LDB2: variants seen among roughly 807,000 people sequenced by gnomAD.
LDB2 encodes LIM domain-binding protein 2.
LDB2 carries 12 observed loss-of-function variants against 44.3 expected under a neutral mutation model. That is an observed-to-expected ratio of 0.27 (90% CI 0.17 to 0.44). The LOEUF (loss-of-function observed/expected upper bound fraction) is 0.44, where lower values mean the gene tolerates loss of function less well. LDB2 is among the 20% of genes least tolerant of loss of function. The probability of loss-of-function intolerance (pLI) is 1.00; values close to 1 mark genes in which losing one functional copy is unlikely to be tolerated. For synonymous variants in LDB2, 164 were observed against 174.8 expected (o/e 0.94, Z 0.49); for missense variants, 344 against 473.5 (o/e 0.73, Z 2.54).
At chr4:16,898,213 AT>A in intron 1 of LDB2, 140 bp downstream of exon 1, 1 of 763,914 alleles carries the variant, frequency 1.3e-6, no homozygotes, top group Non-Finnish European at 2.1e-6. Flanking sequence ...AAACTCGTGG[AT>A]TCATCCTGGC....
intron 1 of LDB2, among the ~76,000 whole-genome samples, chr4:16,795,223 A>G (rs112266772): frequency 0.013 from 2,025 of 152,294 alleles, 60 homozygotes; most frequent in African/African-American, 0.046. Flanking sequence ...GTGAAGAGAG[A>G]GCCTGGGGAA....
chr4:16,772,685 T>C (rs991226025), intron 1 of LDB2, among the ~76,000 whole-genome samples: 1 of 152,204 alleles, frequency 6.6e-6, no homozygotes. Context: ...AAATGCTTTA[T>C]ACGAAAAATT....
chr4:16,668,153 AAT>A (rs3076987), intron 2 of LDB2, among the ~76,000 whole-genome samples: 69,175 of 150,294 alleles, frequency 0.46, 16,167 homozygotes, highest in East Asian at 0.57. Context: ...ATATACGATA[AAT>A]ATATATATAT....
At chr4:16,791,068 C>T (rs1422175373) in intron 1 of LDB2, among the ~76,000 whole-genome samples, 1 of 152,138 alleles carries the variant, frequency 6.6e-6, no homozygotes, top group East Asian at 1.9e-4. Context: ...TTATCAACTA[C>T]CAGGTTAGCT....
intron 2 of LDB2, among the ~76,000 whole-genome samples, chr4:16,707,030 A>C (rs1418915467): frequency 6.6e-6 from 1 of 152,196 alleles, no homozygotes; most frequent in Admixed American, 6.5e-5. Context: ...CAAAGTCTGC[A>C]AAACTTTTAA....
intron 1 of LDB2, among the ~76,000 whole-genome samples, chr4:16,886,202 G>A (rs908104048): frequency 6.6e-6 from 1 of 152,086 alleles, no homozygotes; most frequent in Non-Finnish European, 1.5e-5. Flanking sequence ...CTGGGCAACA[G>A]AGCAAGACCT....
chr4:16,855,862 G>A (rs967856744), intron 1 of LDB2, among the ~76,000 whole-genome samples: 1 of 152,114 alleles, frequency 6.6e-6, no homozygotes, highest in Non-Finnish European at 1.5e-5. Context: ...ATAAATTCAT[G>A]AGTGGGTAAA....
At chr4:16,846,312 C>T (rs1480558479) in intron 1 of LDB2, among the ~76,000 whole-genome samples, 3 of 152,102 alleles carry the variant, frequency 2.0e-5, no homozygotes, top group Non-Finnish European at 4.4e-5. Flanking sequence ...ATCAAGATGG[C>T]TAACAAAGCT....
At chr4:16,882,999 C>T (rs567579901) in intron 1 of LDB2, among the ~76,000 whole-genome samples, 10 of 152,300 alleles carry the variant, frequency 6.6e-5, no homozygotes, top group African/African-American at 2.2e-4. Context: ...ATTTGCATTT[C>T]GAGCTTATTT....
intron 2 of LDB2, among the ~76,000 whole-genome samples, chr4:16,725,272 G>A (rs1392363883): frequency 4.0e-5 from 6 of 151,178 alleles, no homozygotes; most frequent in East Asian, 1.9e-4. Context: ...GCACACACAC[G>A]CACATATATA....
At chr4:16,771,257 T>A (rs566906046) in intron 1 of LDB2, among the ~76,000 whole-genome samples, 7 of 151,892 alleles carry the variant, frequency 4.6e-5, no homozygotes, top group African/African-American at 9.7e-5. Flanking sequence ...GAAAAAAAAA[T>A]TTTTGTTCAC....
intron 1 of LDB2, among the ~76,000 whole-genome samples, chr4:16,823,060 C>A (rs912022678): frequency 2.0e-5 from 3 of 152,188 alleles, no homozygotes; most frequent in African/African-American, 7.2e-5. Context: ...GTCCGGCACT[C>A]CTCCTGCCAG....
At chr4:16,752,077 G>A (rs1429483207) in intron 2 of LDB2, among the ~76,000 whole-genome samples, 5 of 152,168 alleles carry the variant, frequency 3.3e-5, no homozygotes, top group South Asian at 2.1e-4. Flanking sequence ...CTGAGACAAC[G>A]ACATTTATGT....
At chr4:16,623,313 A>G (rs993152335) in intron 2 of LDB2, among the ~76,000 whole-genome samples, 14 of 152,212 alleles carry the variant, frequency 9.2e-5, no homozygotes, top group African/African-American at 2.9e-4. Flanking sequence ...ATAAATGACT[A>G]TCGGCCGGAC....
chr4:16,705,592 C>A (rs1246087540), intron 2 of LDB2, among the ~76,000 whole-genome samples: 2 of 152,188 alleles, frequency 1.3e-5, no homozygotes, highest in Non-Finnish European at 2.9e-5. Flanking sequence ...CCCTAGCCTA[C>A]CACAGTCCCA....
intron 2 of LDB2, chr4:16,741,363 G>A (rs1390714406): frequency 1.3e-5 from 2 of 152,214 alleles, no homozygotes; most frequent in Non-Finnish European, 2.9e-5. Flanking sequence ...TGCGATTACT[G>A]TCCAAGGACA....
At chr4:16,592,505 T>TAC (rs58460959) in intron 3 of LDB2, among the ~76,000 whole-genome samples, 3,237 of 106,250 alleles carry the variant, frequency 0.03, 37 homozygotes, top group East Asian at 0.051. Context: ...TATATATATA[T>TAC]ACACACACAC....
intron 1 of LDB2, among the ~76,000 whole-genome samples, chr4:16,862,258 T>TTA (rs1554053801): frequency 5.3e-5 from 8 of 151,592 alleles, no homozygotes; most frequent in African/African-American, 1.9e-4. Context: ...TTTTTTTTTT[T>TTA]ATTTTTCTCC....
At chr4:16,690,616 G>A (rs1346248307) in intron 2 of LDB2, among the ~76,000 whole-genome samples, 3 of 151,562 alleles carry the variant, frequency 2.0e-5, no homozygotes, top group Non-Finnish European at 4.4e-5. Context: ...AAGATGTATG[G>A]TTTTTTATAC....
Sources: gnomAD v4.1 joint callset for allele counts (sites outside exome capture counted in the v4.1 genomes callset) on GRCh38, gnomAD v4.1.1 for gene constraint, MANE v1.5 for transcripts, NCBI Gene and HGNC (gene_info 2026-07-23, HGNC 2026-07-21) for gene names.